SHQ1: variants seen among roughly 807,000 people sequenced by gnomAD.
SHQ1 encodes protein SHQ1 homolog.
Under a neutral mutation model 53.8 loss-of-function variants are expected in SHQ1, and 49 were observed. The observed-to-expected ratio is 0.91, with a 90% CI of 0.72 to 1.16. The LOEUF (loss-of-function observed/expected upper bound fraction) is 1.16. SHQ1 is among the 50% of genes most tolerant of loss of function. The probability of loss-of-function intolerance (pLI) is 0.00; values close to 1 mark genes in which losing one functional copy is unlikely to be tolerated. For synonymous variants in SHQ1, 243 were observed against 251.0 expected, an observed-to-expected ratio of 0.97 and a Z score of 0.30; for missense variants, 738 against 683.1, an observed-to-expected ratio of 1.08 and a Z score of -0.90.
rs1708193917 is a variant in SHQ1 at position 72,842,147 on chromosome 3, T to C, written c.331+133A>G. On this transcript the variant is annotated intron_variant, in intron 3 of 10. Transcript: ENST00000325599. ...CACCAAAGAAGCTATTTTCATATGGTTTCACATGATCACCTTATACCTGAA... is the reference window on the plus strand; with the variant it reads ...CACCAAAGAAGCTATTTTCATATGGCTTCACATGATCACCTTATACCTGAA... 3.2e-6 allele frequency: 3 copies of C among 930,808 alleles called. No homozygotes were observed. The South Asian group carries it at 6.3e-5, about 20-fold the overall frequency. The allele number at this position is 930,808 out of a possible 1,614,324, so 57.7% of individuals were successfully genotyped here.
intron 9 of SHQ1, among the ~76,000 whole-genome samples, chr3:72,805,650 T>C (rs1706917805): frequency 6.6e-6 from 1 of 152,068 alleles, no homozygotes; most frequent in South Asian, 2.1e-4. Flanking sequence ...GTACAGAAAA[T>C]ATAGTGTAGA....
chr3:72,817,252 C>A lies in SHQ1; in HGVS notation c.860G>T (p.Arg287Leu), dbSNP rs778872457. 1 of 1,613,086 alleles carries A rather than the reference C, an allele frequency of 6.2e-7. No homozygotes were observed. The highest frequency in any genetic ancestry group is 1.3e-5 in the African/African-American group (1 of 74,878). The stretch of plus-strand genomic sequence containing the variant: ...TACATTCTTCTCTCCTTCAGTGACA[C>A]GGGTTTCATAGCAATATGCCAGAAG... ...DILLAYCYET[R>L]VTEGEKNVES... Residue 287 changes from arginine (R) to leucine (L), a missense_variant, in exon 7 of 11, where the codon CGT (arginine) becomes CTT (leucine). Arg to Leu is a moderately radical substitution (Grantham distance 102). Coordinates refer to ENST00000325599, the MANE Select transcript of SHQ1 (RefSeq NM_018130.3).
chr3:72,764,285 C>T (rs1270253053), intron 10 of SHQ1, among the ~76,000 whole-genome samples: 2 of 152,050 alleles, frequency 1.3e-5, no homozygotes, highest in East Asian at 1.9e-4. Flanking sequence ...TAGGCTCAAG[C>T]GATCCTCCCG....
At chr3:72,766,548 C>T (rs889336001) in intron 10 of SHQ1, among the ~76,000 whole-genome samples, 1 of 152,118 alleles carries the variant, frequency 6.6e-6, no homozygotes, top group Admixed American at 6.6e-5. Context: ...CTGTCCAAGT[C>T]AGAATTTTAT....
At chr3:72,755,121 C>T (rs1705472442) in intron 10 of SHQ1, among the ~76,000 whole-genome samples, 1 of 152,160 alleles carries the variant, frequency 6.6e-6, no homozygotes, top group South Asian at 2.1e-4. Flanking sequence ...GAAGCTGAGT[C>T]CAGGGGCCCA....
chr3:72,816,148 A>G (rs868686104), intron 7 of SHQ1, among the ~76,000 whole-genome samples: 1 of 152,166 alleles, frequency 6.6e-6, no homozygotes, highest in Non-Finnish European at 1.5e-5. Context: ...CAGAATCATG[A>G]CAACAAAAAA....
At chr3:72,733,830 C>A in the SHQ1 span, among the ~76,000 whole-genome samples, 1 of 151,558 alleles carries the variant, frequency 6.6e-6, no homozygotes. Flanking sequence ...AATGCCAACA[C>A]TTAATGACGT....
intron 10 of SHQ1, among the ~76,000 whole-genome samples, chr3:72,771,639 T>C (rs544810045): frequency 6.6e-6 from 1 of 151,924 alleles, no homozygotes; most frequent in Non-Finnish European, 1.5e-5. Context: ...GACCAAAAAA[T>C]AAAGGGAGGG....
the SHQ1 span, among the ~76,000 whole-genome samples, chr3:72,737,375 T>C: frequency 6.6e-6 from 1 of 151,926 alleles, no homozygotes; most frequent in African/African-American, 2.4e-5. Context: ...GCAGGAACCC[T>C]CTGAAGGCAG....
chr3:72,767,654 T>A (rs553869440), intron 10 of SHQ1, among the ~76,000 whole-genome samples: 79 of 152,320 alleles, frequency 5.2e-4, no homozygotes, highest in Non-Finnish European at 8.2e-4. Context: ...GCAAAAACTC[T>A]TCTATAATTA....
At position 72,820,675 on chromosome 3, in the gene SHQ1, T is replaced by C. The variant is rs553642236; in HGVS notation, c.728-3291A>G. Among the ~76,000 whole-genome samples, 3 of 152,338 alleles carry C rather than the reference T, an allele frequency of 2.0e-5. No homozygotes were observed. The South Asian group carries it at 6.2e-4, about 32-fold the overall frequency. On this transcript the variant is annotated intron_variant, in intron 6 of 10. Transcript: ENST00000325599. ...GATGATTGCCACCATGAATAACATT[T>C]GTCAAGCATTTGTATGACTTAGCTA...
chr3:72,793,020 TA>T lies in SHQ1; in HGVS notation c.1076del (p.Leu359Ter). ...KILQLGKSAV[L>X]KCLLDIHKIF... Reference sequence around the variant, plus strand: ...TTTTGTGAATATCCAGGAGACACTTTAAAACTGCACTTTTACCTAAAGAAAA... The same window carrying T: ...TTTTGTGAATATCCAGGAGACACTTTAAACTGCACTTTTACCTAAAGAAAA... On this transcript the variant is annotated frameshift_variant, in exon 10 of 11. Coordinates refer to ENST00000325599, the MANE Select transcript of SHQ1 (RefSeq NM_018130.3). LOFTEE classifies it high-confidence loss of function. 2.5e-6 allele frequency: 4 copies of T among 1,607,036 alleles called. No individual in the cohort carries two copies. In the Middle Eastern group the frequency reaches 6.8e-4, roughly 272 times the overall value.
rs548000297 is a variant in SHQ1, at chr3:72,750,193, A to C, written c.*91T>G. On this transcript the variant is annotated 3_prime_UTR_variant, in exon 11 of 11. Transcript: ENST00000325599. ...TACAGTGGGCTGACTATATACTAAG[A>C]AAAATTACAAAGTGAAAATGAAGAA... 1 of 1,171,200 alleles carries C rather than the reference A, an allele frequency of 8.5e-7. No homozygotes were observed. The highest frequency in any genetic ancestry group is 1.5e-5 in the African/African-American group (1 of 64,972). 72.6% of individuals were successfully genotyped at this position (1,171,200 alleles called of 1,614,324 possible).
chr3:72,785,491 TG>T (rs1706203356), intron 10 of SHQ1, among the ~76,000 whole-genome samples: 1 of 152,240 alleles, frequency 6.6e-6, no homozygotes, highest in South Asian at 2.1e-4. Flanking sequence ...TTAAGAATAC[TG>T]GCAGGCTCCG....
chr3:72,766,177 T>C (rs1206101708), intron 10 of SHQ1, among the ~76,000 whole-genome samples: 1 of 152,088 alleles, frequency 6.6e-6, no homozygotes, highest in Non-Finnish European at 1.5e-5. Flanking sequence ...CTTATTCCTG[T>C]TTTCAGCTAT....
Position 72,841,173 on chromosome 3 carries a change from C to A in SHQ1, c.358G>T (p.Val120Phe). The change falls in exon 4 of 11, where the codon GTT (valine) becomes TTT (phenylalanine). Residue 120 changes from valine (V) to phenylalanine (F), a missense_variant. Coordinates refer to ENST00000325599, the MANE Select transcript of SHQ1 (RefSeq NM_018130.3). ...IGASEIPEEV[V>F]DDEEFDWEIE... ...TCCCAATCAAACTCTTCATCGTCAA[C>A]TACTTCCTCAGGAATCTCAGAAGCA... is the stretch of plus-strand genomic sequence containing the variant. 1 of 1,613,188 alleles carries A rather than the reference C, an allele frequency of 6.2e-7. No homozygotes were observed. Among genetic ancestry groups the A allele is most frequent in the Non-Finnish European group, 8.5e-7 (1 of 1,179,766 alleles).
intron 4 of SHQ1, 104 bp downstream of exon 4, chr3:72,840,941 C>T (rs1396704604): frequency 1.5e-6 from 2 of 1,317,990 alleles, no homozygotes; most frequent in Non-Finnish European, 2.1e-6. Context: ...CAATCACCTC[C>T]TGTAATATTA....
chr3:72,809,168 G>T (rs1042904730), intron 9 of SHQ1, among the ~76,000 whole-genome samples: 2 of 152,096 alleles, frequency 1.3e-5, no homozygotes, highest in Non-Finnish European at 2.9e-5. Flanking sequence ...GCCAAGTGGA[G>T]GTAAGTGGTA....
At chr3:72,780,354 C>T (rs1706046247) in intron 10 of SHQ1, among the ~76,000 whole-genome samples, 1 of 152,148 alleles carries the variant, frequency 6.6e-6, no homozygotes, top group African/African-American at 2.4e-5. Context: ...GTCCTTTTAA[C>T]TGTTATGTCC....
Sources: allele counts gnomAD v4.1 joint callset (sites outside exome capture counted in the v4.1 genomes callset), GRCh38; gene constraint gnomAD v4.1.1; transcripts MANE v1.5; gene names NCBI Gene and HGNC (gene_info 2026-07-23, HGNC 2026-07-21).